Variants in SGCE observed in about 807,000 individuals in gnomAD.
SGCE encodes the protein epsilon-sarcoglycan.
Under a neutral mutation model 57.8 loss-of-function variants are expected in SGCE, and 26 were observed. That is an observed-to-expected ratio of 0.45 (90% CI 0.33 to 0.62). The LOEUF is 0.62. Among genes scored for constraint, SGCE ranks in the 20% least tolerant of loss-of-function variants. The pLI, the probability that SGCE is intolerant of heterozygous loss-of-function variation, is 0.02. For synonymous variants in SGCE, 183 were observed against 189.5 expected (o/e 0.97, Z 0.28); for missense variants, 468 against 548.6 (o/e 0.85, Z 1.47).
At position 94,618,798 on chromosome 7, in the gene SGCE, C is replaced by A; in HGVS notation, c.622G>T (p.Gly208Cys). Reference sequence around the variant, plus strand: ...TTAATGGGAAGTGGCACCCTGCCACCCCTGTCTAGGGCCGATGTGATGTTT... The same window carrying A: ...TTAATGGGAAGTGGCACCCTGCCACACCTGTCTAGGGCCGATGTGATGTTT... ...AINITSALDRGGRVPLPINDL... is the reference protein window; with the variant it reads ...AINITSALDRCGRVPLPINDL... Residue 208 changes from glycine (G) to cysteine (C), a missense_variant, in exon 5 of 11, where the codon GGT becomes TGT. Transcript: ENST00000648936. 1 of 1,614,008 alleles carries A rather than the reference C, an allele frequency of 6.2e-7. No homozygotes were observed. Among genetic ancestry groups the A allele is most frequent in the Non-Finnish European group, 8.5e-7 (1 of 1,179,956 alleles).
chr7:94,632,662 A>T (rs1804894192), intron 1 of SGCE, among the ~76,000 whole-genome samples: 1 of 152,114 alleles, frequency 6.6e-6, no homozygotes, highest in Non-Finnish European at 1.5e-5. Flanking sequence ...TTTCTGTAGC[A>T]TCAGTTTAAA....
At chr7:94,628,137 T>C (rs922906996) in intron 3 of SGCE, 65 bp downstream of exon 3, 50 of 991,912 alleles carry the variant, frequency 5.0e-5, no homozygotes, top group Middle Eastern at 2.2e-4. Context: ...CAAATTACAA[T>C]ACACACACAC....
chr7:94,601,443 CAAAAAAAAAAAAAA>C (rs71123905), intron 6 of SGCE, among the ~76,000 whole-genome samples: 12 of 89,358 alleles, frequency 1.3e-4, no homozygotes, highest in East Asian at 4.1e-4. Context: ...ATCCCAGTAT[CAAAAAAAAAAAAAA>C]AAAAAAAAAA....
intron 5 of SGCE, among the ~76,000 whole-genome samples, chr7:94,611,163 T>C (rs1214362159): frequency 6.6e-6 from 1 of 151,952 alleles, no homozygotes; most frequent in Non-Finnish European, 1.5e-5. Context: ...TTCAGAAAAA[T>C]GAAAATATAT....
At chr7:94,618,419 CCTT>C (rs1802260872) in intron 5 of SGCE, 1 of 224,516 alleles carries the variant, frequency 4.5e-6, no homozygotes, top group South Asian at 7.9e-5. Context: ...GTCTGTGCAT[CCTT>C]CTGCAGCTAA....
rs1271503343 is a variant in SGCE at position 94,603,446 on chromosome 7, A to G, written c.669T>C (p.Tyr223=). ...ACGGGACATCTGCACCAACCATGAC[A>G]TAAACGCTGTAAAAATGTGAAACTC... ...LPINDLKEGV[Y]VMVGADVPFS... is the part of the protein sequence containing the mutation. The change falls in exon 6 of 11, where the codon TAT becomes TAC. Residue 223 remains tyrosine, a synonymous_variant. Transcript: ENST00000648936. 6.2e-7 allele frequency: 1 copy of G among 1,612,962 alleles called. No individual in the cohort carries two copies. Among genetic ancestry groups the G allele is most frequent in the Non-Finnish European group, 8.5e-7 (1 of 1,179,298 alleles).
Position 94,585,022 on chromosome 7 carries a change from CA to C in SGCE, c.*476del, listed in dbSNP as rs1005092130. On this transcript the variant is annotated 3_prime_UTR_variant, in exon 11 of 11. Transcript: ENST00000648936. ...CACTCCCAAGTGGTATATAAAACAACAGGATTTACAGGCCACAAGAGTTAAA... is the reference window on the plus strand; with the variant it reads ...CACTCCCAAGTGGTATATAAAACAACGGATTTACAGGCCACAAGAGTTAAA... 6.5e-6 allele frequency: 1 copy of C among 154,938 alleles called. No homozygotes were observed. Among genetic ancestry groups the C allele is most frequent in the African/African-American group, 2.4e-5 (1 of 41,478 alleles). The allele number at this position is 154,938 out of a possible 1,614,324, so 9.6% of individuals were successfully genotyped here.
At chr7:94,641,524 C>G (rs1050211944) in intron 1 of SGCE, among the ~76,000 whole-genome samples, 4 of 151,762 alleles carry the variant, frequency 2.6e-5, no homozygotes, top group African/African-American at 9.7e-5. Context: ...AAGATACAAT[C>G]CAAGAAAAGG....
chr7:94,609,594 G>A (rs776839211), intron 5 of SGCE, among the ~76,000 whole-genome samples: 19 of 152,160 alleles, frequency 1.2e-4, no homozygotes, highest in Non-Finnish European at 2.4e-4. Flanking sequence ...AGTTATACTC[G>A]TGGTAAATAT....
chr7:94,588,767 T>C, intron 9 of SGCE, 35 bp from the exon 10 acceptor site: 1 of 1,613,108 alleles, frequency 6.2e-7, no homozygotes, highest in African/African-American at 1.3e-5. Flanking sequence ...TAAAACTGTT[T>C]GTTTACACAC....
chr7:94,611,424 A>G (rs574836210), intron 5 of SGCE, among the ~76,000 whole-genome samples: 57 of 152,016 alleles, frequency 3.7e-4, no homozygotes, highest in Middle Eastern at 3.4e-3. Flanking sequence ...CCATTTATAC[A>G]AAATGTCCAG....
chr7:94,650,370 T>A (rs1807709280), intron 1 of SGCE, among the ~76,000 whole-genome samples: 1 of 152,162 alleles, frequency 6.6e-6, no homozygotes, highest in Admixed American at 6.5e-5. Context: ...CCCAGTAGCC[T>A]GCTTGGACAG....
At chr7:94,631,148 T>TGTACTA (rs71292970) in intron 1 of SGCE, among the ~76,000 whole-genome samples, 18,939 of 151,824 alleles carry the variant, frequency 0.12, 1,385 homozygotes, top group South Asian at 0.24. Flanking sequence ...TGATTTGTTT[T>TGTACTA]GTACTAGTAT....
chr7:94,588,311 G>A, intron 10 of SGCE: 1 of 1,072,758 alleles, frequency 9.3e-7, no homozygotes, highest in Non-Finnish European at 1.1e-6. Flanking sequence ...GTTTCCTTTT[G>A]TAAGAGAGCT....
Position 94,598,954 on chromosome 7 carries a change from C to T in SGCE, c.1074G>A (p.Leu358=), listed in dbSNP as rs983297904. ...ATTTCTGAATAGCACTGTGATGGAC[C>T]AGTTGGATGCTAGGTCAAAAAGAAA... is the stretch of plus-strand genomic sequence containing the variant. ...KRNMQTPDIQ[L]VHHSAIQKST... Residue 358 remains leucine, a synonymous_variant, in exon 9 of 11, where the codon CTG becomes CTA. Transcript: ENST00000648936. 28 of 1,613,080 alleles carry T rather than the reference C, an allele frequency of 1.7e-5. No individual in the cohort carries two copies. Among genetic ancestry groups the T allele is most frequent in the Non-Finnish European group, 2.4e-5 (28 of 1,179,240 alleles).
chr7:94,627,470 C>G (rs1488772608), intron 3 of SGCE: 1 of 152,028 alleles, frequency 6.6e-6, no homozygotes, highest in Non-Finnish European at 1.5e-5. Flanking sequence ...CCTCAAAGAT[C>G]TGCCCCTACC....
chr7:94,644,618 C>A (rs1806812414), intron 1 of SGCE: 6 of 1,281,622 alleles, frequency 4.7e-6, no homozygotes, highest in Non-Finnish European at 6.1e-6. Context: ...TAAAAGCAAA[C>A]TGTCAAGTCT....
intron 1 of SGCE, among the ~76,000 whole-genome samples, chr7:94,648,764 CA>C (rs1807474704): frequency 6.6e-6 from 1 of 152,070 alleles, no homozygotes; most frequent in Non-Finnish European, 1.5e-5. Flanking sequence ...GAAGGAGAAA[CA>C]AAAAACCTCA....
intron 9 of SGCE, chr7:94,594,311 T>C (rs1798092203): frequency 6.6e-6 from 1 of 152,076 alleles, no homozygotes; most frequent in Non-Finnish European, 1.5e-5. Flanking sequence ...CAAATGTCTA[T>C]AGGGGAAAAA....
Sources: allele counts gnomAD v4.1 joint callset (sites outside exome capture counted in the v4.1 genomes callset), GRCh38; gene constraint gnomAD v4.1.1; transcripts MANE v1.5; gene names NCBI Gene and HGNC (gene_info 2026-07-23, HGNC 2026-07-21).